The following SPAG17 variants were observed in gnomAD, a reference collection of about 807,000 sequenced individuals.
SPAG17 encodes the protein sperm associated antigen 17, also known as sperm-associated antigen 17.
In SPAG17, 169 loss-of-function variants were observed where a neutral mutation model predicts 273.6. The observed-to-expected ratio is 0.62, with a 90% CI of 0.55 to 0.70. The LOEUF (loss-of-function observed/expected upper bound fraction) is 0.70. SPAG17 is among the 30% of genes least tolerant of loss of function. The pLI is 0.00. For synonymous variants in SPAG17, 825 were observed against 873.2 expected (o/e 0.94, Z 0.97); for missense variants, 2,557 against 2,627.8 (o/e 0.97, Z 0.59).
chr1:117,976,922 G>T, intron 43 of SPAG17, among the ~76,000 whole-genome samples: 1 of 152,066 alleles, frequency 6.6e-6, no homozygotes, highest in African/African-American at 2.4e-5. Flanking sequence ...ACATCATCTT[G>T]TATTATTACC....
chr1:117,954,611 C>CT (rs1557826195), intron 48 of SPAG17: 1 of 1,612,452 alleles, frequency 6.2e-7, no homozygotes, highest in Non-Finnish European at 8.5e-7. Flanking sequence ...ATCCTAATGG[C>CT]TTATGGCAGT....
At chr1:118,080,957 GAAC>G in intron 15 of SPAG17, 141 bp downstream of exon 15, 1 of 657,094 alleles carries the variant, frequency 1.5e-6, no homozygotes, top group Non-Finnish European at 2.6e-6. Flanking sequence ...AGAACTTATG[GAAC>G]AACAATACTC....
intron 17 of SPAG17, among the ~76,000 whole-genome samples, chr1:118,070,493 A>T (rs904359605): frequency 2.6e-5 from 4 of 152,178 alleles, no homozygotes; most frequent in Non-Finnish European, 4.4e-5. Context: ...CAGATGGTAG[A>T]TGAATGGGTT....
intron 3 of SPAG17, among the ~76,000 whole-genome samples, chr1:118,145,835 C>T (rs1425411024): frequency 1.3e-5 from 2 of 152,088 alleles, no homozygotes; most frequent in Admixed American, 1.3e-4. Context: ...ATAAGTGAGT[C>T]ATCAACTAGA....
chr1:118,065,295 T>C (rs963136679), intron 18 of SPAG17, among the ~76,000 whole-genome samples: 4 of 152,126 alleles, frequency 2.6e-5, no homozygotes, highest in African/African-American at 9.7e-5. Flanking sequence ...CTAATAACCA[T>C]GATAGAAGTC....
rs752367718 is a variant in SPAG17 at position 117,972,059 on chromosome 1, G to GA, written c.6142-13dup. On this transcript the variant is annotated splice_polypyrimidine_tract_variant and intron_variant, in intron 44 of 48. Transcript: ENST00000336338. ...ACAGAATCTTGCACCTTTGCATTAA[G>GA]AAAAAATTAATAAAATGGTTCTATT... 1.3e-6 allele frequency: 2 copies of GA among 1,544,618 alleles called. No homozygotes were observed. The highest frequency in any genetic ancestry group is 1.7e-6 in the Non-Finnish European group (2 of 1,144,722).
At chr1:118,056,355 A>C (rs755116271) in intron 18 of SPAG17, among the ~76,000 whole-genome samples, 1 of 152,220 alleles carries the variant, frequency 6.6e-6, no homozygotes, top group Admixed American at 6.5e-5. Context: ...GAGACCAATT[A>C]ATACTCACTG....
Position 117,988,189 on chromosome 1 carries a change from G to C in SPAG17, c.5537C>G (p.Thr1846Ser). 6.3e-7 allele frequency: 1 copy of C among 1,598,270 alleles called. No individual in the cohort carries two copies. Among genetic ancestry groups the C allele is most frequent in the South Asian group, 1.1e-5 (1 of 87,296 alleles). ...AGCCAAAGACTGCTTGAATAAATCA[G>C]TTAGGTGAGCTGCAACTTTAAACAT... ...SHVTEVAAHL[T>S]DLFKQSLATP... Residue 1846 changes from threonine (T) to serine (S), a missense_variant, in exon 39 of 49, where the codon ACT becomes AGT. Physicochemically the swap from Thr to Ser is moderately conservative, Grantham distance 58. Transcript: ENST00000336338.
At chr1:118,013,690 C>G (rs1659695627) in intron 29 of SPAG17, among the ~76,000 whole-genome samples, 1 of 152,012 alleles carries the variant, frequency 6.6e-6, no homozygotes, top group Admixed American at 6.6e-5. Flanking sequence ...GGTTTTTTAT[C>G]TAGTAGAGAT....
chr1:118,117,807 C>G (rs1031766203), intron 3 of SPAG17, among the ~76,000 whole-genome samples: 1 of 152,244 alleles, frequency 6.6e-6, no homozygotes, highest in African/African-American at 2.4e-5. Context: ...CATACTTGGC[C>G]TCCCCCAGGG....
In SPAG17 at chr1:117,981,318, CCTT is replaced by C; in HGVS notation, c.5953_5955del (p.Lys1985del). ...TCAGTTTGGTTCTGAGCAGTGAAAT[CCTT>C]CTTATCTGCAGAAATCTCTGGTTTT... On this transcript the variant is annotated inframe_deletion, in exon 43 of 49. Coordinates refer to ENST00000336338, the MANE Select transcript of SPAG17 (RefSeq NM_206996.4). 19 of 1,600,870 alleles carry C rather than the reference CCTT, an allele frequency of 1.2e-5. No individual in the cohort carries two copies. The highest frequency in any genetic ancestry group is 1.4e-5 in the Non-Finnish European group (17 of 1,176,986).
intron 3 of SPAG17, among the ~76,000 whole-genome samples, chr1:118,122,198 T>C (rs1241550978): frequency 6.6e-6 from 1 of 151,964 alleles, no homozygotes; most frequent in Non-Finnish European, 1.5e-5. Flanking sequence ...ATTTTCTGTT[T>C]AGAGTGAAAG....
At chr1:118,031,564 G>T in intron 25 of SPAG17, 128 bp downstream of exon 25, 3 of 994,740 alleles carry the variant, frequency 3.0e-6, no homozygotes, top group Non-Finnish European at 3.0e-6. Context: ...AGACTACAAG[G>T]GACGTTAATG....
chr1:118,053,558 C>T (rs1381548268), intron 20 of SPAG17, among the ~76,000 whole-genome samples: 1 of 151,594 alleles, frequency 6.6e-6, no homozygotes, highest in Non-Finnish European at 1.5e-5. Flanking sequence ...GTAAAATAGC[C>T]TATCTGGACA....
chr1:118,134,067 T>C (rs2102304693), intron 3 of SPAG17, among the ~76,000 whole-genome samples: 1 of 152,336 alleles, frequency 6.6e-6, no homozygotes, highest in Non-Finnish European at 1.5e-5. Flanking sequence ...TGTAAATTCA[T>C]ACAAATTGTC....
intron 44 of SPAG17, 151 bp from the exon 45 acceptor site, chr1:117,972,198 T>A: frequency 7.2e-6 from 5 of 691,980 alleles, no homozygotes; most frequent in Non-Finnish European, 1.2e-5. Context: ...AACAGTCCTG[T>A]GAGGACGTAT....
chr1:118,066,007 G>A (rs999736349), intron 18 of SPAG17, among the ~76,000 whole-genome samples: 17 of 151,980 alleles, frequency 1.1e-4, no homozygotes, highest in African/African-American at 4.1e-4. Context: ...AACTGTTCAA[G>A]GTGTTATATT....
At chr1:118,098,446 TAGTA>T (rs1390331327) in intron 6 of SPAG17, among the ~76,000 whole-genome samples, 1 of 152,046 alleles carries the variant, frequency 6.6e-6, no homozygotes, top group Non-Finnish European at 1.5e-5. Flanking sequence ...TATAATTAAA[TAGTA>T]GTTTCTACTA....
At position 118,151,355 on chromosome 1, in the gene SPAG17, G is replaced by A; in HGVS notation, c.102C>T (p.Ala34=). 6 of 1,611,922 alleles carry A rather than the reference G, an allele frequency of 3.7e-6. No homozygotes were observed. Among genetic ancestry groups the A allele is most frequent in the Non-Finnish European group, 5.1e-6 (6 of 1,178,676 alleles). The change falls in exon 2 of 49, where the codon GCC becomes GCT. Residue 34 remains alanine (A), a synonymous_variant. Coordinates refer to ENST00000336338, the MANE Select transcript of SPAG17 (RefSeq NM_206996.4). ...AAQFNQNDWQ[A]SIAFVVGNQI... The stretch of plus-strand genomic sequence containing the variant: ...GGTTCCCAACCACAAAAGCAATGGA[G>A]GCCTGCCAATCGTTCTATTAAAAAT...
Sources: allele counts gnomAD v4.1 joint callset (sites outside exome capture counted in the v4.1 genomes callset), GRCh38; gene constraint gnomAD v4.1.1; transcripts MANE v1.5; gene names NCBI Gene and HGNC (gene_info 2026-07-23, HGNC 2026-07-21).